NHSL1: variants seen among roughly 807,000 people sequenced by gnomAD.
NHSL1 encodes the protein NHS-like protein 1.
NHSL1 carries 48 observed loss-of-function variants against 95.0 expected under a neutral mutation model. The ratio of observed to expected loss-of-function variants is 0.51; its 90% confidence interval spans 0.40 to 0.64. NHSL1 has a LOEUF of 0.64. Ranked by LOEUF, NHSL1 falls within the 30% of genes least tolerant of loss-of-function variation. The probability of loss-of-function intolerance (pLI) is 0.00; values close to 1 mark genes in which losing one functional copy is unlikely to be tolerated. For synonymous variants in NHSL1, 783 were observed against 833.9 expected (o/e 0.94, Z 1.05); for missense variants, 1,971 against 2,077.7 (o/e 0.95, Z 1.00).
At chr6:138,468,225 C>T (rs1778517030) in intron 3 of NHSL1, among the ~76,000 whole-genome samples, 2 of 152,210 alleles carry the variant, frequency 1.3e-5, no homozygotes, top group African/African-American at 4.8e-5. Context: ...TGAGGTGTAC[C>T]ATTTTTCATC....
chr6:138,533,281 A>G (rs1390393855), intron 1 of NHSL1, among the ~76,000 whole-genome samples: 1 of 152,178 alleles, frequency 6.6e-6, no homozygotes, highest in East Asian at 1.9e-4. Context: ...TTAAAAAATT[A>G]CTGCCAGGAT....
intron 1 of NHSL1, among the ~76,000 whole-genome samples, chr6:138,559,448 G>A (rs1783330561): frequency 6.6e-6 from 1 of 152,318 alleles, no homozygotes; most frequent in South Asian, 2.1e-4. Flanking sequence ...GGGGCGCAGA[G>A]GGGAACTCAG....
chr6:138,537,526 T>C (rs1782405975), intron 1 of NHSL1, among the ~76,000 whole-genome samples: 1 of 152,124 alleles, frequency 6.6e-6, no homozygotes, highest in South Asian at 2.1e-4. Context: ...ATTAAGCCCT[T>C]AGAGAGGTCA....
chr6:138,545,805 G>A, upstream of NHSL1: 1 of 1,183,048 alleles, frequency 8.5e-7, no homozygotes, highest in Non-Finnish European at 1.1e-6. Context: ...CAGCCTGCTG[G>A]GCTGTGCTGC....
rs778589167 is a variant in NHSL1, at chr6:138,424,698, C to T, written c.4204G>A (p.Val1402Met). 6.4e-7 allele frequency: 1 copy of T among 1,551,632 alleles called. No individual in the cohort carries two copies. Residue 1402 changes from valine to methionine, a missense_variant, in exon 8 of 8, where the codon GTG (valine) becomes ATG (methionine). Physicochemically the swap from Val to Met is conservative, Grantham distance 21. This residue lies in a region of NHSL1 where 146 missense variants were observed against 206.3 expected (regional missense o/e 0.71). Coordinates refer to ENST00000343505, the MANE Select transcript of NHSL1 (RefSeq NM_001144060.2). The surrounding 1 kb of genome is among the most constrained non-coding windows in gnomAD (Gnocchi z 5.9). ...AAPSLASPKQ[V>M]GSIQRSIRKS... ...CGGATGCTTCTCTGAATCGACCCCA[C>T]TTGCTTTGGAGAGGCCAGGCTTGGG...
At chr6:138,486,606 C>T (rs1779746307) in intron 2 of NHSL1, among the ~76,000 whole-genome samples, 1 of 152,150 alleles carries the variant, frequency 6.6e-6, no homozygotes, top group South Asian at 2.1e-4. Flanking sequence ...TCACCACTGG[C>T]CCTCTCCATC....
At chr6:138,448,582 T>C (rs1777015894) in intron 3 of NHSL1, among the ~76,000 whole-genome samples, 1 of 152,208 alleles carries the variant, frequency 6.6e-6, no homozygotes, top group African/African-American at 2.4e-5. Context: ...GTTTTGCCTA[T>C]ATTTGAACTT....
chr6:138,569,843 C>T (rs1264147374), intron 1 of NHSL1, among the ~76,000 whole-genome samples: 4 of 151,712 alleles, frequency 2.6e-5, no homozygotes, highest in African/African-American at 7.3e-5. Context: ...TTTCTGACAC[C>T]GTATGTCAAA....
rs59509731 is a variant in NHSL1, at chr6:138,692,090, TC to T, written c.96+385del. 61,879 of 456,386 alleles carry T rather than the reference TC, an allele frequency of 0.14. 4,813 individuals carry two copies. The highest frequency in any genetic ancestry group is 0.37 in the East Asian group (5,254 of 14,354). The allele number at this position is 456,386 out of a possible 1,614,324, so 28.3% of individuals were successfully genotyped here. A position where few individuals can be genotyped will look rare whatever the true frequency, so the allele number is the denominator to read the frequency against. ...CTACTATATGCCCAAATTTATATTCTCCCCTGGCTTTTCCAACAGGCTACCT... is the reference window on the plus strand; with the variant it reads ...CTACTATATGCCCAAATTTATATTCTCCCTGGCTTTTCCAACAGGCTACCT... On this transcript the variant is annotated intron_variant, in intron 1 of 3. Coordinates refer to the NHSL1 transcript ENST00000491526. The surrounding 1 kb of genome is among the most constrained non-coding windows in gnomAD (Gnocchi z 4.0).
rs1775063030 is a variant in NHSL1, at chr6:138,423,824, A to G, written c.*257T>C. ...CACACCCAGCATTTAGCAAAAAAAA[A>G]AAAAAAAAAAAAAAATCTTCCCCGG... On this transcript the variant is annotated 3_prime_UTR_variant, in exon 8 of 8. Coordinates refer to ENST00000343505, the MANE Select transcript of NHSL1 (RefSeq NM_001144060.2). The G allele has an allele frequency of 6.3e-6, 2 of 315,618 alleles. No homozygotes were observed. The highest frequency in any genetic ancestry group is 1.1e-5 in the Non-Finnish European group (2 of 174,778). 19.6% of individuals were successfully genotyped at this position (315,618 alleles called of 1,614,324 possible).
At chr6:138,508,712 C>G (rs1489271162) in intron 1 of NHSL1, among the ~76,000 whole-genome samples, 1 of 152,216 alleles carries the variant, frequency 6.6e-6, no homozygotes, top group African/African-American at 2.4e-5. Flanking sequence ...TGGCATACCT[C>G]TATTCATTTT....
At chr6:138,641,043 A>C (rs956827361) in intron 1 of NHSL1, among the ~76,000 whole-genome samples, 1 of 152,250 alleles carries the variant, frequency 6.6e-6, no homozygotes, top group Non-Finnish European at 1.5e-5. Flanking sequence ...CCCCAAAGCC[A>C]ATCTCAGCTG....
chr6:138,512,548 G>GA (rs879169351), intron 1 of NHSL1: 11,199 of 118,834 alleles, frequency 0.094, 274 homozygotes, highest in South Asian at 0.19. Context: ...CACCAAAAAA[G>GA]AAAAAAAAAA....
chr6:138,429,576 A>C (rs1482789277), intron 7 of NHSL1, 135 bp downstream of exon 7: 2 of 776,252 alleles, frequency 2.6e-6, no homozygotes, highest in Non-Finnish European at 2.0e-6. Context: ...AAACCCACTA[A>C]AAAATCAACA....
At chr6:138,559,746 T>C (rs1783342245) in intron 1 of NHSL1, among the ~76,000 whole-genome samples, 1 of 152,322 alleles carries the variant, frequency 6.6e-6, no homozygotes, top group East Asian at 1.9e-4. Flanking sequence ...TTGAGGGTCA[T>C]AAAATCAAGT....
chr6:138,526,625 T>A lies in NHSL1; in HGVS notation c.16+18998A>T, dbSNP rs144326637. 2.0e-5 allele frequency among the ~76,000 whole-genome samples: 3 copies of A among 152,204 alleles called. No individual in the cohort carries two copies. In the East Asian group the frequency reaches 5.8e-4, roughly 29 times the overall value. ...AACAAACTCCAGTGGGTTTGCCATT[T>A]TTCTCCTATTTTTATGATAAGCTTT... is the stretch of plus-strand genomic sequence containing the variant. On this transcript the variant is annotated intron_variant, in intron 1 of 4. Coordinates refer to the NHSL1 transcript ENST00000342260.
chr6:138,680,151 A>C (rs1005308729), intron 1 of NHSL1, among the ~76,000 whole-genome samples: 1 of 152,220 alleles, frequency 6.6e-6, no homozygotes, highest in African/African-American at 2.4e-5. Flanking sequence ...TACGTAATTC[A>C]ATGATTATGT....
chr6:138,492,112 A>G lies in NHSL1; in HGVS notation c.211+4107T>C, dbSNP rs545741053. The stretch of plus-strand genomic sequence containing the variant: ...GACTCTCCAGCTGTAAATACAAAAG[A>G]TATCTGCTATATTCGGATCAGAGTA... On this transcript the variant is annotated intron_variant, in intron 2 of 7. Coordinates refer to ENST00000343505, the MANE Select transcript of NHSL1 (RefSeq NM_001144060.2). Among the ~76,000 whole-genome samples, 21 of 152,354 alleles carry G rather than the reference A, an allele frequency of 1.4e-4. No homozygotes were observed. In the South Asian group the frequency reaches 4.1e-3, roughly 30 times the overall value.
intron 3 of NHSL1, among the ~76,000 whole-genome samples, chr6:138,453,893 G>C (rs1484228727): frequency 6.6e-6 from 1 of 151,490 alleles, no homozygotes; most frequent in Non-Finnish European, 1.5e-5. Context: ...AAAATATTTT[G>C]GATCTTAACT....
Sources: allele counts gnomAD v4.1 joint callset (sites outside exome capture counted in the v4.1 genomes callset), GRCh38; gene constraint gnomAD v4.1.1; regional missense constraint gnomAD v4.1.1; non-coding constraint Gnocchi (gnomAD v3.1); transcripts MANE v1.5; gene names NCBI Gene and HGNC (gene_info 2026-07-23, HGNC 2026-07-21).